Variants in CPEB1 observed in about 807,000 individuals in gnomAD.
The protein encoded by CPEB1 is cytoplasmic polyadenylation element-binding protein 1.
A neutral mutation model predicts 65.8 loss-of-function variants in CPEB1; 7 were observed. The ratio of observed to expected loss-of-function variants is 0.11; its 90% CI spans 0.06 to 0.20. The LOEUF (loss-of-function observed/expected upper bound fraction) is 0.20, where lower values mean the gene tolerates loss of function less well. Among genes scored for constraint, CPEB1 ranks in the 10% least tolerant of loss-of-function variants. CPEB1 has a pLI of 1.00. For missense variants in CPEB1, 551 were observed against 712.2 expected (o/e 0.77, Z 2.58); for synonymous variants, 262 against 260.0 (o/e 1.01, Z -0.08).
At chr15:82,587,736 A>G (rs569965698) in intron 3 of CPEB1, among the ~76,000 whole-genome samples, 1 of 152,340 alleles carries the variant, frequency 6.6e-6, no homozygotes, top group South Asian at 2.1e-4. Context: ...CACAATATAT[A>G]TTTAAAATAG....
intron 4 of CPEB1, among the ~76,000 whole-genome samples, chr15:82,569,992 A>G (rs1567188641): frequency 2.0e-5 from 3 of 152,202 alleles, no homozygotes; most frequent in African/African-American, 7.2e-5. Flanking sequence ...TTCCTTGCCC[A>G]GGGGAACAGG....
chr15:82,644,311 C>T (rs865800093), intron 1 of CPEB1, among the ~76,000 whole-genome samples: 1 of 152,214 alleles, frequency 6.6e-6, no homozygotes, highest in Non-Finnish European at 1.5e-5. Context: ...CCAATAACCC[C>T]TTGATCCTTT....
intron 1 of CPEB1, among the ~76,000 whole-genome samples, chr15:82,643,544 G>A (rs1255314501): frequency 6.6e-6 from 1 of 151,926 alleles, no homozygotes; most frequent in South Asian, 2.1e-4. Context: ...CAGAAGAATT[G>A]CTTGAACCCC....
chr15:82,584,903 C>CTTTCTTTTT (rs1310673339), intron 3 of CPEB1, among the ~76,000 whole-genome samples: 9 of 81,746 alleles, frequency 1.1e-4, no homozygotes, highest in Non-Finnish European at 1.6e-4. Context: ...TCCTAATTTG[C>CTTTCTTTTT]TTTTTTTTTT....
intron 9 of CPEB1, among the ~76,000 whole-genome samples, chr15:82,551,244 T>C (rs948928266): frequency 6.6e-6 from 1 of 152,158 alleles, no homozygotes; most frequent in Non-Finnish European, 1.5e-5. Flanking sequence ...AAAATAGGCA[T>C]TTCTCCTCTT....
chr15:82,619,323 G>A (rs1163545612), intron 3 of CPEB1, among the ~76,000 whole-genome samples: 1 of 152,170 alleles, frequency 6.6e-6, no homozygotes. Context: ...ATCTAAGTGT[G>A]AAAGGTAAAA....
At chr15:82,619,094 G>A (rs912354253) in intron 3 of CPEB1, among the ~76,000 whole-genome samples, 2 of 152,136 alleles carry the variant, frequency 1.3e-5, no homozygotes, top group Non-Finnish European at 2.9e-5. Flanking sequence ...AAGACACAAG[G>A]ACAGATAAAT....
intron 3 of CPEB1, among the ~76,000 whole-genome samples, chr15:82,620,782 GAC>G (rs1216647474): frequency 2.0e-5 from 3 of 152,198 alleles, no homozygotes; most frequent in African/African-American, 7.2e-5. Flanking sequence ...CAGCCTGGGT[GAC>G]AGTGATACCC....
At chr15:82,617,729 T>TTG (rs2044868792) in intron 3 of CPEB1, among the ~76,000 whole-genome samples, 3 of 123,784 alleles carry the variant, frequency 2.4e-5, no homozygotes, top group African/African-American at 9.3e-5. Flanking sequence ...TTAAAGTTTT[T>TTG]TTTTTTTTTT....
chr15:82,561,027 G>T (rs1033480229), intron 4 of CPEB1, among the ~76,000 whole-genome samples: 12 of 152,218 alleles, frequency 7.9e-5, no homozygotes, highest in African/African-American at 2.7e-4. Flanking sequence ...CAATAGATTA[G>T]GAGCAAATAA....
Position 82,549,502 on chromosome 15 carries a change from C to G in CPEB1, c.1438G>C (p.Val480Leu), listed in dbSNP as rs1255084612. The change falls in exon 10 of 13, where the codon GTG (valine) becomes CTG (leucine). Residue 480 changes from valine to leucine, a missense_variant. Physicochemically the swap from Val to Leu is conservative, Grantham distance 32 (BLOSUM62 1). Transcript: ENST00000684509. Reference sequence around the variant, plus strand: ...TTATCTGTGTCAATCCCGGCATACACCACTCCACCAAATAGGTCGTTCAAG... The same window carrying G: ...TTATCTGTGTCAATCCCGGCATACAGCACTCCACCAAATAGGTCGTTCAAG... ...AILNDLFGGV[V>L]YAGIDTDKHK... 2.5e-6 allele frequency: 4 copies of G among 1,614,132 alleles called. No homozygotes were observed. In the African/African-American group the frequency reaches 5.3e-5, roughly 22 times the overall value.
chr15:82,609,210 A>G (rs1467186685), intron 3 of CPEB1, among the ~76,000 whole-genome samples: 1 of 152,236 alleles, frequency 6.6e-6, no homozygotes, highest in African/African-American at 2.4e-5. Context: ...ATCCTATGTT[A>G]AAGATTATGC....
intron 3 of CPEB1, among the ~76,000 whole-genome samples, chr15:82,623,852 T>C (rs1172128131): frequency 6.6e-6 from 1 of 152,202 alleles, no homozygotes; most frequent in African/African-American, 2.4e-5. Flanking sequence ...TATCTTTCTT[T>C]GCCATTAAGT....
chr15:82,572,212 C>T (rs2040146602), intron 3 of CPEB1: 2 of 152,632 alleles, frequency 1.3e-5, no homozygotes, highest in Non-Finnish European at 2.9e-5. Context: ...GCTTCACAGT[C>T]CTGCTAGCAA....
intron 1 of CPEB1, among the ~76,000 whole-genome samples, chr15:82,643,261 C>T (rs992489382): frequency 6.6e-6 from 1 of 152,174 alleles, no homozygotes; most frequent in African/African-American, 2.4e-5. Flanking sequence ...AGCTATCTAG[C>T]TTGTGTCTGA....
rs898976115 is a variant in CPEB1 at position 82,628,083 on chromosome 15, C to T, written c.96+281G>A. The stretch of plus-strand genomic sequence containing the variant: ...TACTCTACAGAAAGGATTGTTAATG[C>T]TGTGGAAGAGAACCCCAATAGAGAG... On this transcript the variant is annotated intron_variant, in intron 2 of 12. Coordinates refer to ENST00000684509, the MANE Select transcript of CPEB1 (RefSeq NM_001365242.1). 4 of 638,836 alleles carry T rather than the reference C, an allele frequency of 6.3e-6. No individual in the cohort carries two copies. In the African/African-American group the frequency reaches 7.3e-5, roughly 12 times the overall value. 39.6% of individuals were successfully genotyped at this position (638,836 alleles called of 1,614,324 possible).
At chr15:82,562,421 T>A (rs773894512) in intron 4 of CPEB1, 1 of 267,100 alleles carries the variant, frequency 3.7e-6, no homozygotes, top group Non-Finnish European at 7.5e-6. Flanking sequence ...AGGAGATGTG[T>A]ATACACATTA....
intron 3 of CPEB1, among the ~76,000 whole-genome samples, chr15:82,588,015 A>C (rs1224949322): frequency 1.3e-5 from 2 of 152,054 alleles, no homozygotes; most frequent in Non-Finnish European, 2.9e-5. Context: ...TCTGCCTCCC[A>C]GGCTCAAGCG....
intron 4 of CPEB1, among the ~76,000 whole-genome samples, chr15:82,567,040 ATATG>A: frequency 6.6e-6 from 1 of 152,194 alleles, no homozygotes; most frequent in Non-Finnish European, 1.5e-5. Context: ...CATTCAAAAA[ATATG>A]TATTAGACAG....
Sources: allele counts gnomAD v4.1 joint callset (sites outside exome capture counted in the v4.1 genomes callset), GRCh38; gene constraint gnomAD v4.1.1; transcripts MANE v1.5; gene names NCBI Gene and HGNC (gene_info 2026-07-23, HGNC 2026-07-21).